The following DLG2 variants were observed in gnomAD, a reference collection of about 807,000 sequenced individuals.
The protein encoded by DLG2 is disks large homolog 2.
In DLG2, 45 loss-of-function variants were observed where a neutral mutation model predicts 132.5. The observed-to-expected ratio is 0.34, with a 90% CI of 0.27 to 0.44. The LOEUF (loss-of-function observed/expected upper bound fraction) is 0.44. DLG2 is among the 20% of genes least tolerant of loss of function. The pLI is 1.00. For missense variants in DLG2, 1,045 were observed against 1,196.9 expected (o/e 0.87, Z 1.87); for synonymous variants, 424 against 419.6 (o/e 1.01, Z -0.13).
At chr11:84,116,565 A>G (rs1021667652) in intron 9 of DLG2, among the ~76,000 whole-genome samples, 2 of 152,174 alleles carry the variant, frequency 1.3e-5, no homozygotes, top group Non-Finnish European at 2.9e-5. Context: ...CTTATTCACT[A>G]TCAGGAGAAC....
intron 7 of DLG2, among the ~76,000 whole-genome samples, chr11:84,328,614 G>T (rs1036008885): frequency 7.9e-5 from 12 of 151,690 alleles, no homozygotes; most frequent in African/African-American, 2.9e-4. Flanking sequence ...TGAATAACTT[G>T]TAATAGATAT....
chr11:83,959,033 C>T (rs567803417), intron 14 of DLG2, among the ~76,000 whole-genome samples: 93 of 152,188 alleles, frequency 6.1e-4, no homozygotes, highest in African/African-American at 2.2e-3. Flanking sequence ...GTTGTAATAG[C>T]TTTATTTTCC....
intron 6 of DLG2, among the ~76,000 whole-genome samples, chr11:84,968,296 C>A (rs1208912163): frequency 6.6e-6 from 1 of 151,974 alleles, no homozygotes; most frequent in African/African-American, 2.4e-5. Context: ...TGTACATGTA[C>A]CTGTGTGCAC....
intron 4 of DLG2, among the ~76,000 whole-genome samples, chr11:85,204,199 G>A (rs2081684755): frequency 6.6e-6 from 1 of 151,914 alleles, no homozygotes; most frequent in Non-Finnish European, 1.5e-5. Context: ...AATTAGACAA[G>A]GAAAAGAAAT....
intron 21 of DLG2, among the ~76,000 whole-genome samples, chr11:83,497,200 A>G (rs2094189962): frequency 6.6e-6 from 1 of 152,228 alleles, no homozygotes; most frequent in Admixed American, 6.5e-5. Flanking sequence ...AACAAACACA[A>G]CAAAATAACT....
At chr11:84,704,916 T>C (rs1164612085) in intron 6 of DLG2, among the ~76,000 whole-genome samples, 1 of 148,618 alleles carries the variant, frequency 6.7e-6, no homozygotes, top group Non-Finnish European at 1.5e-5. Context: ...ATATATACAT[T>C]ATGTATATAC....
At chr11:84,419,182 GAT>G (rs200508219) in intron 7 of DLG2, among the ~76,000 whole-genome samples, 8 of 150,372 alleles carry the variant, frequency 5.3e-5, no homozygotes, top group Non-Finnish European at 1.2e-4. Flanking sequence ...GAGAGAGAGA[GAT>G]ATTATATATT....
At chr11:83,662,702 G>GCCACC (rs2074604776) in intron 18 of DLG2, among the ~76,000 whole-genome samples, 1 of 152,086 alleles carries the variant, frequency 6.6e-6, no homozygotes, top group South Asian at 2.1e-4. Context: ...CCTTAACTCT[G>GCCACC]CCACCACCAT....
intron 3 of DLG2, among the ~76,000 whole-genome samples, chr11:85,292,474 C>T (rs189194495): frequency 4.7e-4 from 71 of 151,530 alleles, no homozygotes; most frequent in African/African-American, 1.6e-3. Context: ...GTGCAAAACC[C>T]GGAGTCCAAG....
chr11:84,079,829 C>A (rs1272284181), intron 10 of DLG2, among the ~76,000 whole-genome samples: 1 of 152,228 alleles, frequency 6.6e-6, no homozygotes, highest in East Asian at 1.9e-4. Flanking sequence ...CACTCTCCCA[C>A]CACCTCCAGT....
At chr11:84,777,897 G>T (rs1042117770) in intron 6 of DLG2, among the ~76,000 whole-genome samples, 4 of 151,976 alleles carry the variant, frequency 2.6e-5, no homozygotes, top group Non-Finnish European at 2.9e-5. Context: ...CTCCCATTTT[G>T]CAGGCTGTCT....
At chr11:85,018,377 A>G (rs1440798138) in intron 6 of DLG2, among the ~76,000 whole-genome samples, 2 of 152,158 alleles carry the variant, frequency 1.3e-5, no homozygotes, top group Non-Finnish European at 2.9e-5. Flanking sequence ...AAACCTTTTT[A>G]GTTCTGTTGT....
At chr11:85,523,216 C>A (rs1381206780) in intron 3 of DLG2, among the ~76,000 whole-genome samples, 1 of 152,140 alleles carries the variant, frequency 6.6e-6, no homozygotes, top group Non-Finnish European at 1.5e-5. Flanking sequence ...TCACTCTGTA[C>A]TTCTCTCATT....
intron 19 of DLG2, among the ~76,000 whole-genome samples, chr11:83,625,384 A>G (rs188366166): frequency 4.5e-4 from 69 of 152,352 alleles, no homozygotes; most frequent in African/African-American, 1.6e-3. Flanking sequence ...TCCCCAGGAT[A>G]CTAACCAGCA....
intron 6 of DLG2, among the ~76,000 whole-genome samples, chr11:84,590,182 T>C (rs553850430): frequency 2.0e-5 from 3 of 152,150 alleles, no homozygotes; most frequent in Non-Finnish European, 4.4e-5. Context: ...GTAGGGCAAA[T>C]AGTAATTAGT....
rs117827382 is a variant in DLG2, at chr11:84,356,034, C to A, written c.520-104743G>T. ...AGAAGGATTAAGGGAGCACTGAGAA[C>A]CTGAAAGTAGAAGCAAAAGCAGAAA... On this transcript the variant is annotated intron_variant, in intron 7 of 27. Coordinates refer to ENST00000376104, the MANE Select transcript of DLG2 (RefSeq NM_001142699.3). Among the ~76,000 whole-genome samples, 297 of 152,134 alleles carry A rather than the reference C, an allele frequency of 2.0e-3. 1 individual carries two copies. The highest frequency in any genetic ancestry group is 4.3e-3 in the South Asian group (21 of 4,828).
intron 7 of DLG2, among the ~76,000 whole-genome samples, chr11:84,452,163 G>A (rs1377610122): frequency 6.6e-6 from 1 of 151,098 alleles, no homozygotes; most frequent in African/African-American, 2.4e-5. Context: ...AAGAGGAGGA[G>A]GAGAAAAGGA....
chr11:84,085,191 A>G (rs1017747343), intron 10 of DLG2, among the ~76,000 whole-genome samples: 1 of 152,226 alleles, frequency 6.6e-6, no homozygotes, highest in Non-Finnish European at 1.5e-5. Flanking sequence ...CAGAAAAACC[A>G]ATTCTTGAAA....
At chr11:83,985,946 T>C (rs1321786469) in intron 11 of DLG2, among the ~76,000 whole-genome samples, 1 of 152,124 alleles carries the variant, frequency 6.6e-6, no homozygotes, top group African/African-American at 2.4e-5. Context: ...TCCACAATGA[T>C]TGAACAAATT....
Sources: gnomAD v4.1 joint callset for allele counts (sites outside exome capture counted in the v4.1 genomes callset) on GRCh38, gnomAD v4.1.1 for gene constraint, MANE v1.5 for transcripts, NCBI Gene and HGNC (gene_info 2026-07-23, HGNC 2026-07-21) for gene names.